ULK4: variants seen among roughly 807,000 people sequenced by gnomAD.
The protein encoded by ULK4 is unc-51 like kinase 4, also known as inactive serine/threonine-protein kinase ULK4.
In ULK4, 133 loss-of-function variants were observed where a neutral mutation model predicts 160.6. That is an observed-to-expected ratio of 0.83 (90% CI 0.72 to 0.96). The LOEUF is 0.96. Ranked by LOEUF, ULK4 falls within the 40% of genes least tolerant of loss-of-function variation. The pLI is 0.00. For synonymous variants in ULK4, 534 were observed against 539.8 expected (o/e 0.99, Z 0.15); for missense variants, 1,580 against 1,499.5 (o/e 1.05, Z -0.89).
chr3:41,447,856 T>G (rs2083337199), intron 34 of ULK4, among the ~76,000 whole-genome samples: 1 of 152,152 alleles, frequency 6.6e-6, no homozygotes, highest in African/African-American at 2.4e-5. Flanking sequence ...GGGCTAACCC[T>G]GCTAAGAAGA....
At chr3:41,417,283 C>T (rs1289086298) in intron 34 of ULK4, among the ~76,000 whole-genome samples, 1 of 151,962 alleles carries the variant, frequency 6.6e-6, no homozygotes, top group East Asian at 1.9e-4. Context: ...TGTTGGGGGT[C>T]TAGTAAGGAG....
chr3:41,816,814 C>T (rs2125626544), intron 19 of ULK4, among the ~76,000 whole-genome samples: 1 of 152,206 alleles, frequency 6.6e-6, no homozygotes, highest in South Asian at 2.1e-4. Flanking sequence ...CACTTTAATG[C>T]CCACCAGATT....
chr3:41,306,589 G>C (rs967506029), intron 35 of ULK4, among the ~76,000 whole-genome samples: 8 of 151,046 alleles, frequency 5.3e-5, no homozygotes, highest in Admixed American at 2.6e-4. Context: ...CTGCCCGGCC[G>C]CCCCTACTGG....
intron 34 of ULK4, among the ~76,000 whole-genome samples, chr3:41,443,696 T>G (rs939641804): frequency 1.3e-5 from 2 of 152,156 alleles, no homozygotes; most frequent in Non-Finnish European, 2.9e-5. Flanking sequence ...CTCTGCTCTT[T>G]GTATATATAT....
chr3:41,843,728 C>T (rs2041993782), intron 17 of ULK4, among the ~76,000 whole-genome samples: 1 of 152,010 alleles, frequency 6.6e-6, no homozygotes, highest in African/African-American at 2.4e-5. Flanking sequence ...AACAAAGCTT[C>T]CACAGTGTGG....
rs372872410 is a variant in ULK4 at position 41,754,511 on chromosome 3, T to A, written c.2194-23A>T. ...ACCCTGTAGAAGACATTTAAACAAT[T>A]TTTTGAGAGAACATAAAAAAATAGG... On this transcript the variant is annotated intron_variant, in intron 21 of 36. Transcript: ENST00000301831. The A allele has an allele frequency of 4.6e-5, 73 of 1,601,430 alleles. No homozygotes were observed. In the East Asian group the frequency reaches 1.0e-3, roughly 22 times the overall value.
chr3:41,651,217 T>A (rs2034727769), intron 30 of ULK4, among the ~76,000 whole-genome samples: 1 of 152,144 alleles, frequency 6.6e-6, no homozygotes, highest in Non-Finnish European at 1.5e-5. Context: ...CTTCTTAAAG[T>A]CCCTGAAAAT....
chr3:41,379,766 T>A (rs1056143901), intron 35 of ULK4, among the ~76,000 whole-genome samples: 1 of 152,136 alleles, frequency 6.6e-6, no homozygotes. Context: ...CTGACACAGA[T>A]CAAAAAGGTC....
intron 25 of ULK4, among the ~76,000 whole-genome samples, chr3:41,714,180 TAG>T (rs2037188629): frequency 6.6e-6 from 1 of 152,204 alleles, no homozygotes; most frequent in African/African-American, 2.4e-5. Context: ...ACCAAAATTA[TAG>T]ACTTTCTGGA....
chr3:41,959,405 T>C (rs1431414309), intron 1 of ULK4, among the ~76,000 whole-genome samples: 1 of 149,774 alleles, frequency 6.7e-6, no homozygotes, highest in African/African-American at 2.5e-5. Context: ...CGGGCGCCTG[T>C]AATCCCAGCT....
intron 16 of ULK4, among the ~76,000 whole-genome samples, chr3:41,892,900 T>C (rs542259606): frequency 7.2e-5 from 11 of 152,352 alleles, no homozygotes; most frequent in African/African-American, 2.4e-4. Context: ...GCTAAATACA[T>C]CCCTGGTTTT....
At chr3:41,265,118 G>A (rs1216764727) in intron 35 of ULK4, among the ~76,000 whole-genome samples, 2 of 152,336 alleles carry the variant, frequency 1.3e-5, no homozygotes, top group African/African-American at 4.8e-5. Context: ...TGGAGGCTGG[G>A]CCAGCACTGC....
intron 25 of ULK4, among the ~76,000 whole-genome samples, chr3:41,705,668 G>C (rs796259285): frequency 6.6e-6 from 1 of 152,018 alleles, no homozygotes; most frequent in African/African-American, 2.4e-5. Flanking sequence ...GGCTAATTTT[G>C]TATTTTTAGT....
At chr3:41,701,982 A>G (rs1282443794) in intron 27 of ULK4, among the ~76,000 whole-genome samples, 1 of 152,180 alleles carries the variant, frequency 6.6e-6, no homozygotes, top group African/African-American at 2.4e-5. Flanking sequence ...ATAAAACAAG[A>G]AAGTGGAAGT....
chr3:41,738,210 G>T (rs2038121298), intron 22 of ULK4, among the ~76,000 whole-genome samples: 1 of 151,954 alleles, frequency 6.6e-6, no homozygotes, highest in African/African-American at 2.4e-5. Context: ...CTTGAAGAAT[G>T]ACAGCAGATC....
At chr3:41,504,332 GT>G (rs1423731603) in intron 32 of ULK4, among the ~76,000 whole-genome samples, 1 of 152,030 alleles carries the variant, frequency 6.6e-6, no homozygotes, top group Non-Finnish European at 1.5e-5. Flanking sequence ...GCCTTTGTTT[GT>G]TTTATACATT....
intron 32 of ULK4, among the ~76,000 whole-genome samples, chr3:41,553,208 C>G (rs553755171): frequency 1.3e-5 from 2 of 152,004 alleles, no homozygotes; most frequent in East Asian, 3.9e-4. Flanking sequence ...GATTTTATGG[C>G]TAAGACATCA....
chr3:41,856,220 T>C (rs1042931880), intron 17 of ULK4, among the ~76,000 whole-genome samples: 1 of 152,072 alleles, frequency 6.6e-6, no homozygotes, highest in African/African-American at 2.4e-5. Flanking sequence ...CTTTATCATT[T>C]TCAACAAATT....
At chr3:41,745,496 A>C (rs2038390367) in intron 22 of ULK4, among the ~76,000 whole-genome samples, 1 of 151,764 alleles carries the variant, frequency 6.6e-6, no homozygotes, top group Non-Finnish European at 1.5e-5. Flanking sequence ...AAAGAAATTG[A>C]ATTTGTAATT....
Sources: allele counts gnomAD v4.1 joint callset (sites outside exome capture counted in the v4.1 genomes callset), GRCh38; gene constraint gnomAD v4.1.1; transcripts MANE v1.5; gene names NCBI Gene and HGNC (gene_info 2026-07-23, HGNC 2026-07-21).